Variants in RIPOR2 observed in about 807,000 individuals in gnomAD.
RIPOR2 encodes the protein rho family-interacting cell polarization regulator 2.
RIPOR2 carries 39 observed loss-of-function variants against 114.5 expected under a neutral mutation model. That is an observed-to-expected ratio of 0.34 (90% CI 0.26 to 0.44). The LOEUF is 0.44. Ranked by LOEUF, RIPOR2 falls within the 20% of genes least tolerant of loss-of-function variation. The pLI is 1.00. For missense variants in RIPOR2, 1,007 were observed against 1,255.1 expected (o/e 0.80, Z 2.99); for synonymous variants, 445 against 484.4 (o/e 0.92, Z 1.07).
intron 21 of RIPOR2, among the ~76,000 whole-genome samples, chr6:24,806,694 A>G (rs1210862543): frequency 6.6e-6 from 1 of 152,208 alleles, no homozygotes; most frequent in Admixed American, 6.5e-5. Context: ...CCAGAGACCA[A>G]AAGAATGCCA....
intron 13 of RIPOR2, chr6:24,840,720 A>C (rs1327928313): frequency 4.6e-6 from 7 of 1,535,426 alleles, no homozygotes; most frequent in Middle Eastern, 3.4e-4. Flanking sequence ...ACCCTCAGTG[A>C]TCTCCGTCCA....
At chr6:25,031,902 C>T (rs572177318) in intron 1 of RIPOR2, among the ~76,000 whole-genome samples, 18 of 149,350 alleles carry the variant, frequency 1.2e-4, no homozygotes, top group Non-Finnish European at 1.6e-4. Context: ...ATATGTGAAA[C>T]GTATTAATAA....
chr6:24,850,097 C>CTTTTTTTT (rs5875008), intron 10 of RIPOR2, 147 bp from the exon 11 acceptor site: 5 of 437,182 alleles, frequency 1.1e-5, no homozygotes, highest in African/African-American at 4.6e-5. Context: ...TTTTCTTTTT[C>CTTTTTTTT]TTTTTTTTTT....
At position 24,849,239 on chromosome 6, in the gene RIPOR2, ACCGGG is replaced by A. The variant is rs1762616867; in HGVS notation, c.1034+558_1034+562del. Among the ~76,000 whole-genome samples, 3 of 152,248 alleles carry A rather than the reference ACCGGG, an allele frequency of 2.0e-5. No homozygotes were observed. In the East Asian group the frequency reaches 5.8e-4, roughly 29 times the overall value. ...TTAATAACTTATCATGACCTTTCTC[ACCGGG>A]TGAATTTGGAAAACGATTTCTAAGT... On this transcript the variant is annotated intron_variant, in intron 11 of 21. Transcript: ENST00000643898.
chr6:24,854,516 T>C (rs900210796), intron 8 of RIPOR2, among the ~76,000 whole-genome samples: 1 of 152,222 alleles, frequency 6.6e-6, no homozygotes, highest in African/African-American at 2.4e-5. Context: ...CAGAGGCTTG[T>C]CAGTGACCCA....
chr6:24,986,640 A>T (rs1470112163), intron 1 of RIPOR2, among the ~76,000 whole-genome samples: 2 of 152,152 alleles, frequency 1.3e-5, no homozygotes. Context: ...TCCTGACCTC[A>T]CCTGAAACGC....
chr6:24,999,265 T>G (rs1171214832), intron 1 of RIPOR2, among the ~76,000 whole-genome samples: 2 of 152,222 alleles, frequency 1.3e-5, no homozygotes, highest in African/African-American at 4.8e-5. Flanking sequence ...ACCTAGGACC[T>G]TATTATATGC....
intron 1 of RIPOR2, among the ~76,000 whole-genome samples, chr6:24,909,625 T>G (rs182949090): frequency 2.6e-5 from 4 of 152,098 alleles, no homozygotes; most frequent in Non-Finnish European, 5.9e-5. Flanking sequence ...CCCAGTCCCA[T>G]AGAGATGGCC....
intron 1 of RIPOR2, among the ~76,000 whole-genome samples, chr6:24,911,388 G>A (rs1381043119): frequency 6.6e-6 from 1 of 152,072 alleles, no homozygotes. Context: ...GAAAGGAGCC[G>A]AGGCAAGGAA....
chr6:24,848,997 C>T (rs376633343), intron 11 of RIPOR2, among the ~76,000 whole-genome samples: 13 of 152,196 alleles, frequency 8.5e-5, no homozygotes, highest in African/African-American at 1.7e-4. Flanking sequence ...CTCTGCCTCC[C>T]GGATTCAAGT....
At position 24,861,162 on chromosome 6, in the gene RIPOR2, A is replaced by G. The variant is rs58751673; in HGVS notation, c.652-126T>C. 1.5e-3 allele frequency: 937 copies of G among 634,424 alleles called. 4 individuals are homozygous for G. The highest frequency in any genetic ancestry group is 9.5e-3 in the African/African-American group (519 of 54,626). 39.3% of individuals were successfully genotyped at this position (634,424 alleles called of 1,614,324 possible). A position where few individuals can be genotyped will look rare whatever the true frequency, so the allele number is the denominator to read the frequency against. ...AGAAGCATTTACCTGTTTGCTCCAC[A>G]CAGCACAGCCTAAGAAACATTCTTG... On this transcript the variant is annotated intron_variant, in intron 7 of 21. Coordinates refer to ENST00000643898, the MANE Select transcript of RIPOR2 (RefSeq NM_001286445.3).
intron 1 of RIPOR2, among the ~76,000 whole-genome samples, chr6:25,014,279 A>G (rs747510): frequency 0.13 from 19,733 of 152,156 alleles, 1,909 homozygotes; most frequent in East Asian, 0.51. Context: ...TTTCCTTTCA[A>G]TGGGTCAACT....
chr6:24,822,322 C>A (rs1033819209), intron 19 of RIPOR2, among the ~76,000 whole-genome samples: 7 of 152,066 alleles, frequency 4.6e-5, no homozygotes, highest in African/African-American at 1.7e-4. Flanking sequence ...AATATTGTAA[C>A]CATGTGTGTA....
At chr6:25,031,716 T>G (rs1378124603) in intron 1 of RIPOR2, among the ~76,000 whole-genome samples, 46 of 86,542 alleles carry the variant, frequency 5.3e-4, no homozygotes, top group African/African-American at 2.5e-3. Flanking sequence ...TATATATATA[T>G]ATATATATAT....
chr6:24,856,633 TA>T (rs1763500604), intron 8 of RIPOR2, among the ~76,000 whole-genome samples: 1 of 152,166 alleles, frequency 6.6e-6, no homozygotes, highest in Non-Finnish European at 1.5e-5. Context: ...TGGGCATCTG[TA>T]ATCCCAGCTA....
At chr6:24,882,798 G>A (rs1311128299) in intron 1 of RIPOR2, among the ~76,000 whole-genome samples, 1 of 152,126 alleles carries the variant, frequency 6.6e-6, no homozygotes, top group Admixed American at 6.5e-5. Context: ...TGCCGAGGGG[G>A]CTATCAATTA....
rs562440381 is a variant in RIPOR2, at chr6:24,848,083, A to T, written c.1106T>A (p.Met369Lys). 6.2e-6 allele frequency: 10 copies of T among 1,613,932 alleles called. No individual in the cohort carries two copies. The South Asian group carries it at 7.7e-5, about 12-fold the overall frequency. Residue 369 changes from methionine (M) to lysine (K), a missense_variant, in exon 12 of 22, where the codon ATG becomes AAG. Coordinates refer to ENST00000643898, the MANE Select transcript of RIPOR2 (RefSeq NM_001286445.3). Reference protein sequence around the residue: ...GNKAAALQRRMSMYSQGTPET... With the variant: ...GNKAAALQRRKSMYSQGTPET... ...CGGGGTACCCTGGCTGTACATGGAC[A>T]TTCTCCTCTGAAGGGCTGCTGCCTT...
At chr6:25,025,983 G>A (rs1005148482) in intron 1 of RIPOR2, among the ~76,000 whole-genome samples, 2 of 151,892 alleles carry the variant, frequency 1.3e-5, no homozygotes, top group African/African-American at 4.8e-5. Context: ...CAAATTGTAC[G>A]TGTATTCACC....
At chr6:24,972,005 G>A (rs1405777332) in intron 1 of RIPOR2, among the ~76,000 whole-genome samples, 1 of 151,702 alleles carries the variant, frequency 6.6e-6, no homozygotes, top group Non-Finnish European at 1.5e-5. Flanking sequence ...ATCAATAAGG[G>A]GCAAAAAAGT....
Sources: gnomAD v4.1 joint callset for allele counts (sites outside exome capture counted in the v4.1 genomes callset) on GRCh38, gnomAD v4.1.1 for gene constraint, MANE v1.5 for transcripts, NCBI Gene and HGNC (gene_info 2026-07-23, HGNC 2026-07-21) for gene names.